The following ACTR8 variants were observed in gnomAD, a reference collection of about 807,000 sequenced individuals.
ACTR8 encodes the protein actin-related protein 8.
ACTR8 carries 70 observed loss-of-function variants against 84.3 expected under a neutral mutation model. The observed-to-expected ratio is 0.83, with a 90% CI of 0.68 to 1.01. The LOEUF (loss-of-function observed/expected upper bound fraction) is 1.01. Among genes scored for constraint, ACTR8 ranks in the 50% least tolerant of loss-of-function variants. The probability of loss-of-function intolerance (pLI) is 0.00; values close to 1 mark genes in which losing one functional copy is unlikely to be tolerated. For synonymous variants in ACTR8, 268 were observed against 275.2 expected (o/e 0.97, Z 0.26); for missense variants, 672 against 775.4 (o/e 0.87, Z 1.58).
intron 1 of ACTR8, chr3:53,881,767 G>C: frequency 4.2e-6 from 3 of 720,018 alleles, no homozygotes; most frequent in Non-Finnish European, 6.7e-6. Context: ...TGTCCCTGCG[G>C]GGGCTCCGCC....
downstream of ACTR8, among the ~76,000 whole-genome samples, chr3:53,866,784 A>C (rs1699795451): frequency 2.0e-5 from 3 of 152,132 alleles, no homozygotes; most frequent in African/African-American, 7.2e-5. Flanking sequence ...CCTGGCCTAA[A>C]AGCATCTTTT....
rs1559793916 is a variant in ACTR8, at chr3:53,876,095, GA to G, written c.779-16del. On this transcript the variant is annotated splice_polypyrimidine_tract_variant and intron_variant, in intron 6 of 12. Coordinates refer to ENST00000335754, the MANE Select transcript of ACTR8 (RefSeq NM_022899.5). Reference sequence around the variant, plus strand: ...GACCACAATCCCTGGGGGGGGAAAAGAAAAGGCAGAGTAGTCATTAGCTGTA... The same window carrying G: ...GACCACAATCCCTGGGGGGGGAAAAGAAAGGCAGAGTAGTCATTAGCTGTA... 1.0e-6 allele frequency: 1 copy of G among 995,910 alleles called. No homozygotes were observed. 61.7% of individuals were successfully genotyped at this position (995,910 alleles called of 1,614,324 possible).
At chr3:53,874,568 A>T (rs1338247557) in intron 7 of ACTR8, among the ~76,000 whole-genome samples, 1 of 152,102 alleles carries the variant, frequency 6.6e-6, no homozygotes, top group Non-Finnish European at 1.5e-5. Flanking sequence ...TACTAAAAAT[A>T]CAAAAATTAG....
downstream of ACTR8, chr3:53,864,766 T>C: frequency 1.2e-6 from 2 of 1,609,338 alleles, no homozygotes; most frequent in African/African-American, 1.3e-5. Context: ...GAAGACTTCC[T>C]TTTCTACCAC....
chr3:53,869,719 T>C (rs1699855888), intron 12 of ACTR8, among the ~76,000 whole-genome samples: 1 of 152,210 alleles, frequency 6.6e-6, no homozygotes. Context: ...GGTCCTCCCC[T>C]TGCCCCACCT....
At chr3:53,862,236 AAC>A (rs1178993806), downstream of ACTR8, among the ~76,000 whole-genome samples, 1 of 152,034 alleles carries the variant, frequency 6.6e-6, no homozygotes, top group Non-Finnish European at 1.5e-5. Context: ...CTTGCCCCCA[AAC>A]ACATCATAAT....
In ACTR8 at chr3:53,882,022, T is replaced by C. The variant is rs780914839; in HGVS notation, c.80A>G (p.Lys27Arg). 1.3e-6 allele frequency: 2 copies of C among 1,551,932 alleles called. No homozygotes were observed. The highest frequency in any genetic ancestry group is 2.4e-5 in the East Asian group (1 of 40,914). Residue 27 changes from lysine to arginine, a missense_variant, in exon 1 of 13, where the codon AAG becomes AGG. By Grantham distance (26) the Lys-to-Arg change is conservative (BLOSUM62 2). Coordinates refer to ENST00000335754, the MANE Select transcript of ACTR8 (RefSeq NM_022899.5). ...GEKEKEQRGV[K>R]RPIVPALVPE... is the part of the protein sequence containing the mutation. ...CACCAGCGCGGGCACGATGGGCCGC[T>C]TCACGCCGCGCTGCTCCTTCTCCTT...
intron 1 of ACTR8, 116 bp downstream of exon 1, chr3:53,881,863 C>A (rs993103569): frequency 6.0e-6 from 9 of 1,491,666 alleles, no homozygotes; most frequent in Admixed American, 2.0e-5. Context: ...GCACTCCCCC[C>A]ACCAGGGGCT....
At chr3:53,878,223 T>C in intron 3 of ACTR8, 134 bp downstream of exon 3, 1 of 727,210 alleles carries the variant, frequency 1.4e-6, no homozygotes, top group Non-Finnish European at 2.3e-6. Flanking sequence ...ATTCTTTAAG[T>C]GGTTATGAGG....
At chr3:53,861,365 T>C in the ACTR8 span, 28 of 152,182 alleles carry the variant, frequency 1.8e-4, no homozygotes, top group East Asian at 7.7e-4. Context: ...GGTCTGCAGC[T>C]GTGATTGTTC....
chr3:53,880,908 G>C (rs1700047734), intron 1 of ACTR8, among the ~76,000 whole-genome samples: 1 of 152,196 alleles, frequency 6.6e-6, no homozygotes, highest in Non-Finnish European at 1.5e-5. Flanking sequence ...TTGCTTGAGT[G>C]CCCAATACTG....
At position 53,880,092 on chromosome 3, in the gene ACTR8, GA is replaced by G. The variant is rs1162980379; in HGVS notation, c.140del (p.Phe47SerfsTer12). 3 of 1,613,736 alleles carry G rather than the reference GA, an allele frequency of 1.9e-6. No individual in the cohort carries two copies. Among genetic ancestry groups the G allele is most frequent in the Non-Finnish European group, 2.5e-6 (3 of 1,179,802 alleles). On this transcript the variant is annotated frameshift_variant, in exon 2 of 13. Coordinates refer to ENST00000335754, the MANE Select transcript of ACTR8 (RefSeq NM_022899.5). LOFTEE classifies it high-confidence loss of function. Reference sequence around the variant, plus strand: ...TTGAACCTGGATGTATGACAATGATGAAGTTGCTCTGGATTTGCTGCAGATA... The same window carrying G: ...TTGAACCTGGATGTATGACAATGATGAGTTGCTCTGGATTTGCTGCAGATA... ...ESLQEQIQSN[F>X]IIVIHPGSTT...
intron 2 of ACTR8, among the ~76,000 whole-genome samples, chr3:53,879,055 G>T (rs1394798218): frequency 6.6e-6 from 1 of 152,092 alleles, no homozygotes; most frequent in Non-Finnish European, 1.5e-5. Flanking sequence ...TTCATATGTT[G>T]ATCAGCAAGG....
At position 53,882,123 on chromosome 3, in the gene ACTR8, A is replaced by G. The variant is rs1297193107; in HGVS notation, c.-22T>C. 5.8e-6 allele frequency: 9 copies of G among 1,550,128 alleles called. No homozygotes were observed. Among genetic ancestry groups the G allele is most frequent in the Non-Finnish European group, 7.9e-6 (9 of 1,146,272 alleles). On this transcript the variant is annotated 5_prime_UTR_variant, in exon 1 of 13. Transcript: ENST00000335754. Reference sequence around the variant, plus strand: ...TCATTATGGCCGGAGACACCCACCAACCTCTCGCCTCAGCGCTGCAGCCAC... The same window carrying G: ...TCATTATGGCCGGAGACACCCACCAGCCTCTCGCCTCAGCGCTGCAGCCAC...
chr3:53,881,942 GC>G (rs1241522849), intron 1 of ACTR8, 36 bp downstream of exon 1: 8 of 1,553,728 alleles, frequency 5.1e-6, no homozygotes, highest in Non-Finnish European at 7.0e-6. Context: ...GAGGACCCAA[GC>G]AAGGGCAAAG....
chr3:53,876,215 T>A lies in ACTR8; in HGVS notation c.779-135A>T, dbSNP rs542238021. ...CTGAGGAACACTGATCCTTTCAGAATAAGCATTTAAATAAGTCAGTAGGCC... is the reference window on the plus strand; with the variant it reads ...CTGAGGAACACTGATCCTTTCAGAAAAAGCATTTAAATAAGTCAGTAGGCC... On this transcript the variant is annotated intron_variant, in intron 6 of 12. Transcript: ENST00000335754. The A allele has an allele frequency of 5.6e-5, 65 of 1,154,070 alleles. No homozygotes were observed. In the East Asian group the frequency reaches 1.5e-3, roughly 26 times the overall value. The allele number at this position is 1,154,070 out of a possible 1,614,324, so 71.5% of individuals were successfully genotyped here.
In ACTR8 at chr3:53,877,371, G is replaced by A. The variant is rs866926353; in HGVS notation, c.527C>T (p.Pro176Leu). 5.0e-6 allele frequency: 8 copies of A among 1,606,436 alleles called. No homozygotes were observed. The highest frequency in any genetic ancestry group is 6.8e-6 in the Non-Finnish European group (8 of 1,177,524). ...LVGEEALYVN[P>L]LDCYNIHWPI... ...CCAGTGAATATTGTAACAGTCCAGTGGATTAACATACAAGGCCTAGAAAAG... is the reference window on the plus strand; with the variant it reads ...CCAGTGAATATTGTAACAGTCCAGTAGATTAACATACAAGGCCTAGAAAAG... The change falls in exon 5 of 13, where the codon CCA (proline) becomes CTA (leucine). Residue 176 changes from proline to leucine, a missense_variant. Coordinates refer to ENST00000335754, the MANE Select transcript of ACTR8 (RefSeq NM_022899.5).
At chr3:53,872,667 C>T in intron 9 of ACTR8, 143 bp from the exon 10 acceptor site, 1 of 1,065,346 alleles carries the variant, frequency 9.4e-7, no homozygotes, top group Non-Finnish European at 1.3e-6. Flanking sequence ...TCGGGAGTGG[C>T]ATTATTTCTC....
At chr3:53,880,277 A>G (rs970446174) in intron 1 of ACTR8, among the ~76,000 whole-genome samples, 168 bp from the exon 2 acceptor site, 1 of 152,108 alleles carries the variant, frequency 6.6e-6, no homozygotes, top group African/African-American at 2.4e-5. Flanking sequence ...CTAAACACAA[A>G]CTCATTGTTT....
Sources: allele counts gnomAD v4.1 joint callset (sites outside exome capture counted in the v4.1 genomes callset), GRCh38; gene constraint gnomAD v4.1.1; transcripts MANE v1.5; gene names NCBI Gene and HGNC (gene_info 2026-07-23, HGNC 2026-07-21).